Variants in DYNLT1 observed in about 807,000 individuals in gnomAD.
DYNLT1 encodes dynein light chain Tctex-type 1.
Under a neutral mutation model 19.6 loss-of-function variants are expected in DYNLT1, and 18 were observed. That is an observed-to-expected ratio of 0.92 (90% CI 0.64 to 1.36). DYNLT1 has a LOEUF of 1.36. Ranked by LOEUF, DYNLT1 falls within the 40% of genes most tolerant of loss-of-function variation. DYNLT1 has a pLI of 0.00. For synonymous variants in DYNLT1, 56 were observed against 44.0 expected (o/e 1.27, Z -1.07); for missense variants, 137 against 139.3 (o/e 0.98, Z 0.08).
At chr6:158,644,556 C>T in intron 1 of DYNLT1, 126 bp downstream of exon 1, 1 of 1,154,472 alleles carries the variant, frequency 8.7e-7, no homozygotes, top group East Asian at 2.7e-5. Context: ...GAAGCTCAGG[C>T]CGTGGGCTGC....
rs1787228949 is a variant in DYNLT1 at position 158,643,733 on chromosome 6, G to A, written c.27+949C>T. Among the ~76,000 whole-genome samples, 4 of 152,192 alleles carry A rather than the reference G, an allele frequency of 2.6e-5. No homozygotes were observed. In the South Asian group the frequency reaches 8.3e-4, roughly 31 times the overall value. On this transcript the variant is annotated intron_variant, in intron 1 of 4. Transcript: ENST00000367089. ...TGACCTCAGGTGATCCGCCCGCCTAGGCCTCCCAAAGTGCTGGGATTACAG... is the reference window on the plus strand; with the variant it reads ...TGACCTCAGGTGATCCGCCCGCCTAAGCCTCCCAAAGTGCTGGGATTACAG...
At chr6:158,641,543 A>G in intron 1 of DYNLT1, 183 bp from the exon 2 acceptor site, 1 of 439,190 alleles carries the variant, frequency 2.3e-6, no homozygotes, top group Non-Finnish European at 4.1e-6. Context: ...ACTAGAATAC[A>G]TGCACATAAT....
intron 1 of DYNLT1, 189 bp from the exon 2 acceptor site, chr6:158,641,549 ATAATT>A (rs757508948): frequency 1.2e-5 from 5 of 433,332 alleles, no homozygotes; most frequent in African/African-American, 2.0e-5. Context: ...ATACATGCAC[ATAATT>A]TAAAGGTATT....
rs759910853 is a variant in DYNLT1 at position 158,636,955 on chromosome 6, C to T, written c.272-58G>A. 5 of 1,587,880 alleles carry T rather than the reference C, an allele frequency of 3.1e-6. No individual in the cohort carries two copies. The African/African-American group carries it at 5.4e-5, about 17-fold the overall frequency. ...GGGAAAGCTGGGGGACGACGTTTTA[C>T]TCACAATAAGGCCAACATTCAAGTA... On this transcript the variant is annotated intron_variant, in intron 4 of 4. Transcript: ENST00000367089.
Position 158,637,218 on chromosome 6 carries a change from C to T in DYNLT1, c.194-13G>A, listed in dbSNP as rs144685549. The T allele has an allele frequency of 1.2e-6, 2 of 1,612,392 alleles. No homozygotes were observed. Among genetic ancestry groups the T allele is most frequent in the Non-Finnish European group, 1.7e-6 (2 of 1,179,280 alleles). ...ATTACACAGGTCACTTAAGTTAAAA[C>T]AAATTTTTGTTAGAGAAGTCTACTG... On this transcript the variant is annotated splice_polypyrimidine_tract_variant and intron_variant, in intron 3 of 4. Coordinates refer to ENST00000367089, the MANE Select transcript of DYNLT1 (RefSeq NM_006519.4).
intron 2 of DYNLT1, among the ~76,000 whole-genome samples, chr6:158,639,411 C>T (rs1031465008): frequency 6.6e-6 from 1 of 152,044 alleles, no homozygotes; most frequent in Non-Finnish European, 1.5e-5. Context: ...TAAACCTCTC[C>T]CGTCAAAGGG....
chr6:158,637,735 C>G, intron 3 of DYNLT1, 36 bp downstream of exon 3: 1 of 1,613,930 alleles, frequency 6.2e-7, no homozygotes, highest in Non-Finnish European at 8.5e-7. Context: ...GTTAAAAAAC[C>G]ATCCCGCAAA....
intron 3 of DYNLT1, 162 bp from the exon 4 acceptor site, chr6:158,637,367 T>C (rs946228691): frequency 1.2e-5 from 8 of 658,066 alleles, no homozygotes; most frequent in African/African-American, 9.2e-5. Flanking sequence ...TGACAAATTA[T>C]AGGTGCTCCT....
At chr6:158,641,431 T>G in intron 1 of DYNLT1, 71 bp from the exon 2 acceptor site, 1 of 1,333,790 alleles carries the variant, frequency 7.5e-7, no homozygotes, top group South Asian at 1.4e-5. Flanking sequence ...TAAATGCAAA[T>G]GTAGGTAATG....
At chr6:158,637,745 A>G (rs200276406) in intron 3 of DYNLT1, 26 bp downstream of exon 3, 1,255 of 1,614,106 alleles carry the variant, frequency 7.8e-4, no homozygotes, top group Non-Finnish European at 1.0e-3. Context: ...CATCCCGCAA[A>G]TATAAAAGAA....
intron 3 of DYNLT1, 40 bp from the exon 4 acceptor site, chr6:158,637,245 G>A: frequency 6.3e-7 from 1 of 1,575,238 alleles, no homozygotes; most frequent in Non-Finnish European, 8.7e-7. Flanking sequence ...AGTCTACTGG[G>A]TAACACAAAT....
At chr6:158,644,072 T>TC (rs926258831) in intron 1 of DYNLT1, among the ~76,000 whole-genome samples, 13 of 151,202 alleles carry the variant, frequency 8.6e-5, no homozygotes, top group Admixed American at 1.3e-4. Flanking sequence ...GATGATTTTT[T>TC]CCCCACAACA....
chr6:158,639,921 C>T (rs1456350306), intron 2 of DYNLT1, among the ~76,000 whole-genome samples: 3 of 152,258 alleles, frequency 2.0e-5, no homozygotes, highest in East Asian at 1.9e-4. Context: ...CCTCATGATC[C>T]GCCCACCTCG....
At chr6:158,637,941 A>T in intron 2 of DYNLT1, 47 bp from the exon 3 acceptor site, 1 of 1,592,584 alleles carries the variant, frequency 6.3e-7, no homozygotes, top group Non-Finnish European at 8.5e-7. Flanking sequence ...AAATGCACCC[A>T]CACCACCTTT....
Position 158,636,726 on chromosome 6 carries a change from A to T in DYNLT1, c.*101T>A, listed in dbSNP as rs1787005562. On this transcript the variant is annotated 3_prime_UTR_variant, in exon 5 of 5. Coordinates refer to ENST00000367089, the MANE Select transcript of DYNLT1 (RefSeq NM_006519.4). The stretch of plus-strand genomic sequence containing the variant: ...TTTTCCTCTACATTGTGAAAGTGCC[A>T]CAAAACAAAGAGAATGAGAAAAGAG... 7.3e-7 allele frequency: 1 copy of T among 1,378,934 alleles called. No homozygotes were observed. Among genetic ancestry groups the T allele is most frequent in the African/African-American group, 1.4e-5 (1 of 69,022 alleles). The allele number at this position is 1,378,934 out of a possible 1,614,324, so 85.4% of individuals were successfully genotyped here.
rs2306751 is a variant in DYNLT1 at position 158,644,726 on chromosome 6, C to G, written c.-18G>C. The G allele has an allele frequency of 0.59, 956,154 of 1,608,644 alleles. 287,941 individuals are homozygous for G. Among genetic ancestry groups the G allele is most frequent in the African/African-American group, 0.79 (59,320 of 74,914 alleles). ...TCTTCCATCTTTCCTCCGGCGCGTC[C>G]CCTCCGGCTCCCTGAGTGGCGCGGA... On this transcript the variant is annotated 5_prime_UTR_variant, in exon 1 of 5. Coordinates refer to ENST00000367089, the MANE Select transcript of DYNLT1 (RefSeq NM_006519.4).
chr6:158,637,480 T>G, intron 3 of DYNLT1: 1 of 618,232 alleles, frequency 1.6e-6, no homozygotes, highest in Non-Finnish European at 2.9e-6. Context: ...GTTGAAAAAT[T>G]CTAAGTTGAG....
rs758738612 is a variant in DYNLT1, at chr6:158,644,607, T to G, written c.27+75A>C. Reference sequence around the variant, plus strand: ...TGAAGGAGGTGGGCAGCCAGGCCTTTCCGGGCAGGACCGCGTGTCCTTCCG... The same window carrying G: ...TGAAGGAGGTGGGCAGCCAGGCCTTGCCGGGCAGGACCGCGTGTCCTTCCG... On this transcript the variant is annotated intron_variant, in intron 1 of 4. Coordinates refer to ENST00000367089, the MANE Select transcript of DYNLT1 (RefSeq NM_006519.4). 22 of 1,585,378 alleles carry G rather than the reference T, an allele frequency of 1.4e-5. No homozygotes were observed. The African/African-American group carries it at 2.0e-4, about 15-fold the overall frequency.
Position 158,637,847 on chromosome 6 carries a change from C to G in DYNLT1, c.117G>C (p.Val39=). Reference sequence around the variant, plus strand: ...CTACTACATTTGTGGTCCACTGGTTCACTTTGCTGTGTTGATAAGCGTTAC... The same window carrying G: ...CTACTACATTTGTGGTCCACTGGTTGACTTTGCTGTGTTGATAAGCGTTAC... ...IGGNAYQHSK[V]NQWTTNVVEQ... is the part of the protein sequence containing the mutation. The change falls in exon 3 of 5, where the codon GTG becomes GTC. Residue 39 remains valine, a synonymous_variant. Coordinates refer to ENST00000367089, the MANE Select transcript of DYNLT1 (RefSeq NM_006519.4). 1.9e-6 allele frequency: 3 copies of G among 1,610,204 alleles called. No homozygotes were observed. Among genetic ancestry groups the G allele is most frequent in the East Asian group, 2.2e-5 (1 of 44,890 alleles).
Sources: gnomAD v4.1 joint callset for allele counts (sites outside exome capture counted in the v4.1 genomes callset) on GRCh38, gnomAD v4.1.1 for gene constraint, MANE v1.5 for transcripts, NCBI Gene and HGNC (gene_info 2026-07-23, HGNC 2026-07-21) for gene names.